HEBP1: variants seen among roughly 807,000 people sequenced by gnomAD.
HEBP1 encodes the protein heme binding protein 1.
Under a neutral mutation model 20.4 loss-of-function variants are expected in HEBP1, and 13 were observed. That is an observed-to-expected ratio of 0.64 (90% CI 0.42 to 1.01). HEBP1 has a LOEUF of 1.01. HEBP1 is among the 50% of genes least tolerant of loss of function. The probability of loss-of-function intolerance (pLI) is 0.00; values close to 1 mark genes in which losing one functional copy is unlikely to be tolerated. For missense variants in HEBP1, 241 were observed against 247.3 expected (o/e 0.97, Z 0.17); for synonymous variants, 92 against 90.7 (o/e 1.01, Z -0.08).
In HEBP1 at chr12:13,000,071, GT is replaced by G; in HGVS notation, c.43del (p.Thr15ArgfsTer7). ...TTTGCTTAGGACCTGCCAAGGCCAC[GT>G]CTCTACGCTTCCGAACAGCGAGTTC... ...IKNSLFGSVE[T>X]WPWQVLSKGD... is the part of the protein sequence containing the mutation. On this transcript the variant is annotated frameshift_variant, in exon 1 of 4. Transcript: ENST00000014930. LOFTEE classifies it high-confidence loss of function. 6.2e-7 allele frequency: 1 copy of G among 1,612,696 alleles called. No homozygotes were observed. The highest frequency in any genetic ancestry group is 2.2e-5 in the East Asian group (1 of 44,798).
intron 1 of HEBP1, among the ~76,000 whole-genome samples, chr12:12,990,411 C>T (rs929004898): frequency 9.9e-5 from 15 of 151,364 alleles, no homozygotes; most frequent in Middle Eastern, 6.8e-3. Context: ...CTCCTGGGCT[C>T]AAGCAATCCT....
chr12:12,977,626 ATAT>A (rs1864009201), intron 3 of HEBP1: 1 of 152,248 alleles, frequency 6.6e-6, no homozygotes, highest in South Asian at 2.1e-4. Context: ...AACCATAGTA[ATAT>A]TATGAACTGG....
chr12:12,994,953 A>T (rs1466256280), intron 1 of HEBP1, among the ~76,000 whole-genome samples: 1 of 152,240 alleles, frequency 6.6e-6, no homozygotes, highest in Admixed American at 6.5e-5. Flanking sequence ...GCATTCATTC[A>T]TCAAGTTCTT....
At chr12:12,995,345 G>A (rs1179353265) in intron 1 of HEBP1, among the ~76,000 whole-genome samples, 4 of 152,232 alleles carry the variant, frequency 2.6e-5, no homozygotes, top group African/African-American at 7.2e-5. Flanking sequence ...CTTGTTCACC[G>A]CTGTATCTCT....
chr12:12,982,368 G>C (rs1407976717), intron 3 of HEBP1, among the ~76,000 whole-genome samples: 1 of 152,206 alleles, frequency 6.6e-6, no homozygotes, highest in Admixed American at 6.5e-5. Flanking sequence ...AAAGCAGGGT[G>C]CTAAGACTGA....
chr12:12,987,682 G>T (rs1422334959), intron 2 of HEBP1, among the ~76,000 whole-genome samples: 1 of 150,216 alleles, frequency 6.7e-6, no homozygotes, highest in African/African-American at 2.5e-5. Context: ...AGGCTGGAGT[G>T]CAGTGGCATG....
intron 1 of HEBP1, among the ~76,000 whole-genome samples, chr12:12,991,974 T>C (rs1022757642): frequency 6.6e-6 from 1 of 152,198 alleles, no homozygotes; most frequent in Non-Finnish European, 1.5e-5. Context: ...GTGCAACAGA[T>C]ATTTATTTGA....
At chr12:12,993,651 T>A (rs973227616) in intron 1 of HEBP1, among the ~76,000 whole-genome samples, 3 of 152,152 alleles carry the variant, frequency 2.0e-5, no homozygotes, top group Non-Finnish European at 2.9e-5. Flanking sequence ...TTTACGCAGT[T>A]ACTTCTTTTA....
At chr12:12,989,208 C>A in intron 2 of HEBP1, 69 bp downstream of exon 2, 1 of 1,548,616 alleles carries the variant, frequency 6.5e-7, no homozygotes, top group Non-Finnish European at 8.9e-7. Flanking sequence ...CTTGCATTTA[C>A]CACTGATGAA....
intron 1 of HEBP1, among the ~76,000 whole-genome samples, chr12:12,989,768 T>C (rs199716858): frequency 2.0e-5 from 3 of 151,522 alleles, no homozygotes; most frequent in African/African-American, 4.9e-5. Flanking sequence ...AAGATAAAGT[T>C]AAACAGGAGA....
intron 3 of HEBP1, chr12:12,985,559 C>T (rs1028513235): frequency 2.0e-5 from 3 of 152,046 alleles, no homozygotes; most frequent in African/African-American, 7.2e-5. Context: ...AAACTAGCCC[C>T]ATCTGCTTGA....
At chr12:12,975,513 G>T in intron 3 of HEBP1, 34 bp from the exon 4 acceptor site, 1 of 1,569,570 alleles carries the variant, frequency 6.4e-7, no homozygotes, top group South Asian at 1.2e-5. Flanking sequence ...GGTTACGAAA[G>T]GACATGACCT....
chr12:12,987,478 A>G (rs1864166534), intron 2 of HEBP1, 146 bp from the exon 3 acceptor site: 1 of 630,410 alleles, frequency 1.6e-6, no homozygotes, highest in Non-Finnish European at 2.7e-6. Flanking sequence ...TGTTAAAAAT[A>G]CAGAAATACA....
rs1353433752 is a variant in HEBP1 at position 12,996,189 on chromosome 12, T to C, written c.78+3848A>G. Among the ~76,000 whole-genome samples, 3 of 152,220 alleles carry C rather than the reference T, an allele frequency of 2.0e-5. No individual in the cohort carries two copies. The highest frequency in any genetic ancestry group is 4.1e-4 in the South Asian group (2 of 4,830). On this transcript the variant is annotated intron_variant, in intron 1 of 3. Transcript: ENST00000014930. This position sits in a 1 kb window ranked among gnomAD's most constrained non-coding sequence, Gnocchi z 4.1. ...TGTGAAGAAGTTAGGGCTTTAATCT[T>C]CATTTTCAGATGAAACTGGGGAACA...
At chr12:12,991,181 G>A (rs1348072744) in intron 1 of HEBP1, among the ~76,000 whole-genome samples, 3 of 152,176 alleles carry the variant, frequency 2.0e-5, no homozygotes, top group African/African-American at 7.2e-5. Flanking sequence ...AGCAGGCAAG[G>A]TGAACCCACT....
chr12:12,998,060 G>T lies in HEBP1; in HGVS notation c.78+1977C>A, dbSNP rs1287887161. Among the ~76,000 whole-genome samples the T allele has an allele frequency of 6.6e-6, 1 of 152,068 alleles. No homozygotes were observed. The highest frequency in any genetic ancestry group is 1.5e-5 in the Non-Finnish European group (1 of 68,020). ...AATAACTGGCATCCTTATTGCATTT[G>T]TGTCCAGCCTATGCACAACTATGTC... On this transcript the variant is annotated intron_variant, in intron 1 of 3. Coordinates refer to ENST00000014930, the MANE Select transcript of HEBP1 (RefSeq NM_015987.5). This position sits in a 1 kb window ranked among gnomAD's most constrained non-coding sequence, Gnocchi z 4.2.
intron 2 of HEBP1, 80 bp from the exon 3 acceptor site, chr12:12,987,412 T>C: frequency 9.1e-7 from 1 of 1,102,996 alleles, no homozygotes. Context: ...ATTAGTTCCA[T>C]TCGTCTTTCA....
chr12:12,994,362 T>G (rs566882409), intron 1 of HEBP1, among the ~76,000 whole-genome samples: 1 of 152,328 alleles, frequency 6.6e-6, no homozygotes, highest in East Asian at 1.9e-4. Context: ...TGATGGTGAT[T>G]TGATAGCAAG....
At chr12:12,981,797 C>A (rs747060785) in intron 3 of HEBP1, among the ~76,000 whole-genome samples, 1 of 152,100 alleles carries the variant, frequency 6.6e-6, no homozygotes, top group Non-Finnish European at 1.5e-5. Flanking sequence ...GTCTCAGGCT[C>A]CATGCTGAGT....
Sources: gnomAD v4.1 joint callset for allele counts (sites outside exome capture counted in the v4.1 genomes callset) on GRCh38, gnomAD v4.1.1 for gene constraint, Gnocchi (gnomAD v3.1) non-coding constraint, MANE v1.5 for transcripts, NCBI Gene and HGNC (gene_info 2026-07-23, HGNC 2026-07-21) for gene names.